Variants in MTHFD1L observed in about 807,000 individuals in gnomAD.
MTHFD1L encodes monofunctional C1-tetrahydrofolate synthase, mitochondrial.
A neutral mutation model predicts 119.5 loss-of-function variants in MTHFD1L; 81 were observed. The ratio of observed to expected loss-of-function variants is 0.68; its 90% CI spans 0.57 to 0.82. MTHFD1L has a LOEUF of 0.82. Ranked by LOEUF, MTHFD1L falls within the 40% of genes least tolerant of loss-of-function variation. The pLI, the probability that MTHFD1L is intolerant of heterozygous loss-of-function variation, is 0.00. For missense variants in MTHFD1L, 1,125 were observed against 1,253.4 expected, an observed-to-expected ratio of 0.90 and a Z score of 1.55; for synonymous variants, 430 against 475.2, an observed-to-expected ratio of 0.90 and a Z score of 1.24.
chr6:151,095,231 ATGT>A (rs1361402465), intron 27 of MTHFD1L, among the ~76,000 whole-genome samples: 4 of 152,216 alleles, frequency 2.6e-5, no homozygotes, highest in Admixed American at 1.3e-4. Context: ...TGTTGATAAA[ATGT>A]TGTTTCATCT....
At chr6:151,057,329 G>A (rs777620388) in intron 26 of MTHFD1L, 1 of 985,428 alleles carries the variant, frequency 1.0e-6, no homozygotes, top group Non-Finnish European at 1.2e-6. Flanking sequence ...TAATGGTGGT[G>A]ACTCAGACTG....
chr6:150,944,649 T>A, intron 14 of MTHFD1L, 56 bp downstream of exon 14: 1 of 1,287,750 alleles, frequency 7.8e-7, no homozygotes, highest in Non-Finnish European at 1.1e-6. Flanking sequence ...ATTCCTGGAT[T>A]CTTAAGGAGT....
At chr6:150,875,894 C>G (rs887403221) in intron 1 of MTHFD1L, 196 bp from the exon 2 acceptor site, 1 of 494,374 alleles carries the variant, frequency 2.0e-6, no homozygotes, top group African/African-American at 2.0e-5. Flanking sequence ...ACTGGATTGC[C>G]GCATTTTACC....
intron 26 of MTHFD1L, among the ~76,000 whole-genome samples, chr6:151,049,661 CAAAAA>C (rs34116073): frequency 1.8e-5 from 2 of 111,570 alleles, no homozygotes; most frequent in Non-Finnish European, 1.8e-5. Flanking sequence ...GACTCCATCT[CAAAAA>C]AAAAAAAAAA....
rs1476238287 is a variant in MTHFD1L at position 151,034,633 on chromosome 6, A to T, written c.2694+33A>T. 3 of 1,394,980 alleles carry T rather than the reference A, an allele frequency of 2.2e-6. No homozygotes were observed. The South Asian group carries it at 3.5e-5, about 16-fold the overall frequency. 86.4% of individuals were successfully genotyped at this position (1,394,980 alleles called of 1,614,324 possible). ...TTCTACTTTTAGGGGAAAAGAAAAA[A>T]TTCACCTTAGGCTCTCAGAATACTC... is the stretch of plus-strand genomic sequence containing the variant. On this transcript the variant is annotated intron_variant, in intron 25 of 27. Transcript: ENST00000367321.
chr6:150,898,416 G>A (rs566796625), intron 7 of MTHFD1L, among the ~76,000 whole-genome samples: 18 of 152,270 alleles, frequency 1.2e-4, no homozygotes, highest in African/African-American at 3.8e-4. Context: ...AGGAGGCAGC[G>A]GAAGCCTGGA....
chr6:151,081,507 A>T (rs60155650), intron 26 of MTHFD1L, among the ~76,000 whole-genome samples: 3 of 42,958 alleles, frequency 7.0e-5, no homozygotes, highest in East Asian at 2.9e-3. Flanking sequence ...GCAAAAAAAA[A>T]AAAAAAAAAA....
intron 20 of MTHFD1L, among the ~76,000 whole-genome samples, chr6:150,974,806 A>G (rs6906406): frequency 0.44 from 66,716 of 150,314 alleles, 16,695 homozygotes; most frequent in East Asian, 0.65. Flanking sequence ...GCACAATCTC[A>G]GCTCACTGCA....
chr6:150,969,817 A>C (rs1052858142), intron 19 of MTHFD1L, among the ~76,000 whole-genome samples: 13 of 152,196 alleles, frequency 8.5e-5, no homozygotes, highest in African/African-American at 2.9e-4. Flanking sequence ...CACTTGGCAA[A>C]TGAAGATACC....
chr6:151,080,358 G>A lies in MTHFD1L; in HGVS notation c.2848-12109G>A, dbSNP rs569991115. ...AATCCAGAGGAAGAAGGGCAGCTGC[G>A]GAGTCCCAGCAGTGTTGCGGGTATC... is the stretch of plus-strand genomic sequence containing the variant. On this transcript the variant is annotated intron_variant, in intron 26 of 27. Coordinates refer to ENST00000367321, the MANE Select transcript of MTHFD1L (RefSeq NM_015440.5). 1.5e-4 allele frequency among the ~76,000 whole-genome samples: 23 copies of A among 152,246 alleles called. No individual in the cohort carries two copies. In the South Asian group the frequency reaches 1.9e-3, roughly 12 times the overall value.
intron 1 of MTHFD1L, 109 bp downstream of exon 1, chr6:150,866,158 T>C: frequency 7.2e-7 from 1 of 1,391,156 alleles, no homozygotes; most frequent in Non-Finnish European, 9.4e-7. Flanking sequence ...CTGCGAGTGT[T>C]TGGTGCCAAC....
chr6:150,912,301 G>GT (rs11392847), intron 8 of MTHFD1L, among the ~76,000 whole-genome samples: 49,008 of 144,178 alleles, frequency 0.34, 8,749 homozygotes, highest in African/African-American at 0.5. Flanking sequence ...CAGTGTTTTT[G>GT]TTTTTTTTTT....
chr6:150,908,490 G>A (rs900224976), intron 8 of MTHFD1L, among the ~76,000 whole-genome samples: 1 of 151,818 alleles, frequency 6.6e-6, no homozygotes, highest in African/African-American at 2.4e-5. Flanking sequence ...AGCTGGGCTT[G>A]GTGGCAGGTG....
At chr6:150,915,665 A>G (rs1333858062) in intron 8 of MTHFD1L, among the ~76,000 whole-genome samples, 2 of 152,038 alleles carry the variant, frequency 1.3e-5, no homozygotes, top group South Asian at 2.1e-4. Flanking sequence ...CAGTGGCACA[A>G]TCTTGGCTCA....
At chr6:151,016,768 CTTTTTTT>C in intron 24 of MTHFD1L, 6 of 217,288 alleles carry the variant, frequency 2.8e-5, no homozygotes, top group Non-Finnish European at 4.2e-5. Flanking sequence ...CTATCTTAGC[CTTTTTTT>C]TTTTTTTTTT....
At chr6:151,060,003 A>G (rs1790437576) in intron 26 of MTHFD1L, among the ~76,000 whole-genome samples, 1 of 152,236 alleles carries the variant, frequency 6.6e-6, no homozygotes, top group African/African-American at 2.4e-5. Context: ...GGCCAAGGTC[A>G]GCAAGAGGAC....
rs571091060 is a variant in MTHFD1L at position 151,089,445 on chromosome 6, T to C, written c.2848-3022T>C. Reference sequence around the variant, plus strand: ...GGTCAAACCCTGTCTCTACCAAAAATACAAAAAATTAGCCGGGCATGGTGG... The same window carrying C: ...GGTCAAACCCTGTCTCTACCAAAAACACAAAAAATTAGCCGGGCATGGTGG... On this transcript the variant is annotated intron_variant, in intron 26 of 27. Coordinates refer to ENST00000367321, the MANE Select transcript of MTHFD1L (RefSeq NM_015440.5). 2.0e-5 allele frequency among the ~76,000 whole-genome samples: 3 copies of C among 152,008 alleles called. No homozygotes were observed. The East Asian group carries it at 5.8e-4, about 29-fold the overall frequency.
intron 7 of MTHFD1L, among the ~76,000 whole-genome samples, chr6:150,894,744 C>T (rs1783937016): frequency 6.6e-6 from 1 of 152,186 alleles, no homozygotes; most frequent in Non-Finnish European, 1.5e-5. Flanking sequence ...GTCCGTCTGT[C>T]TAAACGGAAG....
intron 7 of MTHFD1L, among the ~76,000 whole-genome samples, chr6:150,890,699 G>A (rs1783104530): frequency 6.6e-6 from 1 of 152,192 alleles, no homozygotes; most frequent in Admixed American, 6.5e-5. Flanking sequence ...AGAGACTGAG[G>A]CAAGTTTCAG....
Sources: allele counts gnomAD v4.1 joint callset (sites outside exome capture counted in the v4.1 genomes callset), GRCh38; gene constraint gnomAD v4.1.1; transcripts MANE v1.5; gene names NCBI Gene and HGNC (gene_info 2026-07-23, HGNC 2026-07-21).